PPP6R2: variants seen among roughly 807,000 people sequenced by gnomAD.
PPP6R2 encodes the protein serine/threonine-protein phosphatase 6 regulatory subunit 2.
A neutral mutation model predicts 100.2 loss-of-function variants in PPP6R2; 62 were observed. The observed-to-expected ratio is 0.62, with a 90% CI of 0.50 to 0.76. The LOEUF (loss-of-function observed/expected upper bound fraction) is 0.76. PPP6R2 is among the 30% of genes least tolerant of loss of function. The pLI is 0.00. For synonymous variants in PPP6R2, 525 were observed against 514.7 expected (o/e 1.02, Z -0.27); for missense variants, 1,142 against 1,276.3 (o/e 0.89, Z 1.60).
At chr22:50,361,603 G>A (rs901751768) in intron 1 of PPP6R2, among the ~76,000 whole-genome samples, 38 of 151,882 alleles carry the variant, frequency 2.5e-4, no homozygotes, top group African/African-American at 9.0e-4. Context: ...GTTTGACAAT[G>A]CTTTTTATCT....
In PPP6R2 at chr22:50,416,738, C is replaced by G. The variant is rs549844104; in HGVS notation, c.618+581C>G. 1.1e-4 allele frequency among the ~76,000 whole-genome samples: 16 copies of G among 151,894 alleles called. 1 individual carries two copies. The South Asian group carries it at 3.3e-3, about 32-fold the overall frequency. ...AGCACTTGGGGAGGCTGAGGCGGGCCGATCACTTGAGGTCAGGAGTTTTGA... is the reference window on the plus strand; with the variant it reads ...AGCACTTGGGGAGGCTGAGGCGGGCGGATCACTTGAGGTCAGGAGTTTTGA... On this transcript the variant is annotated intron_variant, in intron 6 of 23. Transcript: ENST00000612753.
the PPP6R2 span, among the ~76,000 whole-genome samples, chr22:50,331,897 G>A: frequency 1.3e-5 from 2 of 152,178 alleles, no homozygotes; most frequent in Non-Finnish European, 2.9e-5. Context: ...TGGGATTACA[G>A]GCGTGAGCCA....
chr22:50,337,878 T>G, the PPP6R2 span, among the ~76,000 whole-genome samples: 5 of 136,850 alleles, frequency 3.7e-5, no homozygotes, highest in Non-Finnish European at 7.8e-5. Flanking sequence ...GTGGTGTATG[T>G]GTGGTGTGTG....
At chr22:50,383,180 C>T (rs1402077315) in intron 2 of PPP6R2, among the ~76,000 whole-genome samples, 3 of 152,214 alleles carry the variant, frequency 2.0e-5, no homozygotes, top group Middle Eastern at 3.4e-3. Context: ...CATGAATACT[C>T]AAGGTGTGAT....
intron 2 of PPP6R2, among the ~76,000 whole-genome samples, chr22:50,376,431 G>C (rs1328876008): frequency 5.9e-5 from 9 of 152,130 alleles, no homozygotes; most frequent in Admixed American, 5.9e-4. Context: ...CTTTTTGTAT[G>C]TGTGTGAGAA....
chr22:50,426,915 G>A (rs976377512), intron 10 of PPP6R2, among the ~76,000 whole-genome samples: 16 of 151,540 alleles, frequency 1.1e-4, no homozygotes, highest in South Asian at 2.1e-4. Flanking sequence ...CCGGCCGGGC[G>A]CAGTGGCTCA....
In PPP6R2 at chr22:50,439,770, A is replaced by T. The variant is rs1287392050; in HGVS notation, c.2198A>T (p.Asp733Val). The T allele has an allele frequency of 2.5e-6, 4 of 1,613,764 alleles. No individual in the cohort carries two copies. The South Asian group carries it at 3.3e-5, about 13-fold the overall frequency. Residue 733 changes from aspartate (D) to valine (V), a missense_variant, in exon 20 of 24, where the codon GAC becomes GTC. This residue lies in a region of PPP6R2 where 550 missense variants were observed against 517.4 expected (regional missense o/e 1.06). Transcript: ENST00000612753. ...CCCACAGCCCCAGGAGTGGTGAGGGACGTGGGTTCCAGTGTGTGGGCAGCT... is the reference window on the plus strand; with the variant it reads ...CCCACAGCCCCAGGAGTGGTGAGGGTCGTGGGTTCCAGTGTGTGGGCAGCT... ...STPTAPGVVR[D>V]VGSSVWAAGT...
chr22:50,356,119 C>A (rs570135502), intron 1 of PPP6R2, among the ~76,000 whole-genome samples: 1 of 151,354 alleles, frequency 6.6e-6, no homozygotes, highest in Non-Finnish European at 1.5e-5. Context: ...CCCGCCACCA[C>A]GCCCGGCTAA....
chr22:50,363,893 CTTTT>C (rs1247300028), intron 1 of PPP6R2, among the ~76,000 whole-genome samples: 1 of 139,976 alleles, frequency 7.1e-6, no homozygotes, highest in Admixed American at 7.3e-5. Flanking sequence ...GATTTTCAAA[CTTTT>C]TTTTTTTTTT....
chr22:50,339,790 T>TGTGGG (rs569687379), upstream of PPP6R2, among the ~76,000 whole-genome samples: 3 of 105,460 alleles, frequency 2.8e-5, no homozygotes, highest in East Asian at 3.2e-4. Flanking sequence ...GTGTGTGTGG[T>TGTGGG]GTGTGTGGGG....
intron 1 of PPP6R2, among the ~76,000 whole-genome samples, chr22:50,370,726 C>T (rs894947657): frequency 2.6e-4 from 40 of 152,104 alleles, no homozygotes; most frequent in African/African-American, 8.7e-4. Flanking sequence ...CTCTGCCTCC[C>T]GGGTTCAAGT....
At chr22:50,358,930 C>G (rs916775342) in intron 1 of PPP6R2, among the ~76,000 whole-genome samples, 7 of 147,198 alleles carry the variant, frequency 4.8e-5, no homozygotes, top group African/African-American at 1.7e-4. Flanking sequence ...GTTAACACCG[C>G]GATGTCTTGA....
chr22:50,372,690 ATTC>A (rs1161256352), intron 2 of PPP6R2, among the ~76,000 whole-genome samples: 16 of 151,354 alleles, frequency 1.1e-4, no homozygotes, highest in South Asian at 1.0e-3. Flanking sequence ...CCCAAGTTTA[ATTC>A]TTCTTTTTTT....
In PPP6R2 at chr22:50,416,261, C is replaced by T. The variant is rs2060516193; in HGVS notation, c.618+104C>T. The T allele has an allele frequency of 1.6e-5, 16 of 999,214 alleles. 1 individual carries two copies. The South Asian group carries it at 2.1e-4, about 13-fold the overall frequency. 61.9% of individuals were successfully genotyped at this position (999,214 alleles called of 1,614,324 possible). A position where few individuals can be genotyped will look rare whatever the true frequency, so the allele number is the denominator to read the frequency against. On this transcript the variant is annotated intron_variant, in intron 6 of 23. Coordinates refer to ENST00000612753, the MANE Select transcript of PPP6R2 (RefSeq NM_001242898.2). The stretch of plus-strand genomic sequence containing the variant: ...GCGAGGGAGGGCAAGTCATCCCTTT[C>T]CTAAGATGAGGATCGGTTAGGTACT...
At chr22:50,340,649 A>G (rs1355604536), upstream of PPP6R2, among the ~76,000 whole-genome samples, 6 of 150,760 alleles carry the variant, frequency 4.0e-5, no homozygotes, top group Non-Finnish European at 4.4e-5. Context: ...GACCAGGGAA[A>G]CCCCCACAGG....
At chr22:50,384,748 G>GT (rs1324362981) in intron 2 of PPP6R2, among the ~76,000 whole-genome samples, 3 of 150,752 alleles carry the variant, frequency 2.0e-5, no homozygotes, top group Non-Finnish European at 3.0e-5. Context: ...TTTTTGTTTT[G>GT]TTTTTTTAAG....
intron 1 of PPP6R2, among the ~76,000 whole-genome samples, chr22:50,363,646 A>G (rs969546220): frequency 6.6e-6 from 1 of 152,220 alleles, no homozygotes; most frequent in Admixed American, 6.5e-5. Flanking sequence ...GCTGCTGCTC[A>G]TGAGCCTTTC....
At chr22:50,394,213 A>G in intron 3 of PPP6R2, 78 bp downstream of exon 3, 2 of 1,559,428 alleles carry the variant, frequency 1.3e-6, no homozygotes, top group Non-Finnish European at 1.7e-6. Context: ...GAGGATGGCC[A>G]TAGTTGGGGA....
At chr22:50,441,860 G>A (rs548627466) in intron 22 of PPP6R2, among the ~76,000 whole-genome samples, 4 of 152,284 alleles carry the variant, frequency 2.6e-5, no homozygotes, top group African/African-American at 4.8e-5. Flanking sequence ...GGGCAGGACC[G>A]CTGGGGTAGA....
Sources: gnomAD v4.1 joint callset for allele counts (sites outside exome capture counted in the v4.1 genomes callset) on GRCh38, gnomAD v4.1.1 for gene constraint, gnomAD v4.1.1 regional missense constraint, MANE v1.5 for transcripts, NCBI Gene and HGNC (gene_info 2026-07-23, HGNC 2026-07-21) for gene names.